Variants in IPCEF1 observed in about 807,000 individuals in gnomAD.
The protein encoded by IPCEF1 is interactor protein for cytohesin exchange factors 1.
A neutral mutation model predicts 50.9 loss-of-function variants in IPCEF1; 31 were observed. That is an observed-to-expected ratio of 0.61 (90% CI 0.46 to 0.82). The LOEUF is 0.82. Ranked by LOEUF, IPCEF1 falls within the 40% of genes least tolerant of loss-of-function variation. The pLI is 0.00. For missense variants in IPCEF1, 458 were observed against 514.0 expected (o/e 0.89, Z 1.05); for synonymous variants, 181 against 192.0 (o/e 0.94, Z 0.47).
At chr6:154,267,996 C>A (rs1421148130) in intron 2 of IPCEF1, among the ~76,000 whole-genome samples, 1 of 152,216 alleles carries the variant, frequency 6.6e-6, no homozygotes, top group Non-Finnish European at 1.5e-5. Flanking sequence ...CAGAAAGGCA[C>A]CACAAGTTCC....
intron 5 of IPCEF1, among the ~76,000 whole-genome samples, chr6:154,238,022 T>C (rs978463171): frequency 1.3e-5 from 2 of 152,204 alleles, no homozygotes; most frequent in Non-Finnish European, 2.9e-5. Flanking sequence ...ATTCTATGCA[T>C]TGGCAAATCA....
intron 5 of IPCEF1, among the ~76,000 whole-genome samples, chr6:154,236,835 C>T (rs536433756): frequency 1.3e-5 from 2 of 152,184 alleles, no homozygotes; most frequent in East Asian, 1.9e-4. Context: ...AAATTGGGTG[C>T]GTTCTCTTTC....
intron 2 of IPCEF1, among the ~76,000 whole-genome samples, chr6:154,274,427 A>G (rs1782002970): frequency 6.6e-6 from 1 of 152,128 alleles, no homozygotes; most frequent in Admixed American, 6.5e-5. Context: ...AAAATCCACA[A>G]AGCTAAGGGA....
intron 10 of IPCEF1, among the ~76,000 whole-genome samples, chr6:154,179,405 T>C (rs769752631): frequency 6.6e-6 from 1 of 152,082 alleles, no homozygotes; most frequent in Non-Finnish European, 1.5e-5. Context: ...ATTTCTCTTA[T>C]CTTACAAGAT....
chr6:154,305,365 C>T (rs769182415), intron 1 of IPCEF1, among the ~76,000 whole-genome samples: 1 of 152,120 alleles, frequency 6.6e-6, no homozygotes, highest in Non-Finnish European at 1.5e-5. Context: ...TGCATTTGTC[C>T]ATTTCCACAG....
intron 7 of IPCEF1, among the ~76,000 whole-genome samples, chr6:154,216,170 A>C (rs1223821559): frequency 6.6e-6 from 1 of 152,188 alleles, no homozygotes; most frequent in Non-Finnish European, 1.5e-5. Flanking sequence ...ATGTGGCAGA[A>C]TGTTCACTGC....
Position 154,159,884 on chromosome 6 carries a change from T to C in IPCEF1, c.1261A>G (p.Thr421Ala). 1.2e-6 allele frequency: 2 copies of C among 1,613,186 alleles called. No homozygotes were observed. Among genetic ancestry groups the C allele is most frequent in the South Asian group, 1.1e-5 (1 of 90,820 alleles). The stretch of plus-strand genomic sequence containing the variant: ...GGTGATTTCTTGAGTTCCTGGGGGG[T>C]GTCATCAGTGTCATCAGGGGCAGGC... ...ASPAPDDTDD[T>A]PQELKKSPSS... is the part of the protein sequence containing the mutation. The change falls in exon 12 of 12, where the codon ACC becomes GCC. Residue 421 changes from threonine to alanine, a missense_variant. By Grantham distance (58) the Thr-to-Ala change is moderately conservative (BLOSUM62 0). Coordinates refer to ENST00000367220, the MANE Select transcript of IPCEF1 (RefSeq NM_001130700.2).
At chr6:154,252,174 T>C (rs1268906988) in intron 3 of IPCEF1, among the ~76,000 whole-genome samples, 1 of 152,076 alleles carries the variant, frequency 6.6e-6, no homozygotes, top group Non-Finnish European at 1.5e-5. Context: ...AGAGAATGTA[T>C]AGAATGACAA....
chr6:154,193,105 A>G (rs536740364), intron 10 of IPCEF1, among the ~76,000 whole-genome samples: 16 of 152,370 alleles, frequency 1.1e-4, no homozygotes, highest in Middle Eastern at 6.8e-3. Flanking sequence ...TTGCTAAAAT[A>G]TGGAACCAGC....
intron 5 of IPCEF1, among the ~76,000 whole-genome samples, chr6:154,244,469 T>G (rs1780873279): frequency 6.6e-6 from 1 of 152,222 alleles, no homozygotes; most frequent in Admixed American, 6.5e-5. Flanking sequence ...GCTGCTAATC[T>G]AACTGTATTC....
At chr6:154,343,537 A>C (rs918434692) in intron 1 of IPCEF1, among the ~76,000 whole-genome samples, 4 of 152,080 alleles carry the variant, frequency 2.6e-5, no homozygotes, top group Admixed American at 6.6e-5. Context: ...AAGTCGCCTC[A>C]CTTCCCACCA....
intron 7 of IPCEF1, chr6:154,219,110 T>C (rs1017228053): frequency 3.3e-5 from 5 of 152,098 alleles, no homozygotes; most frequent in African/African-American, 4.8e-5. Context: ...GAAATGTAAA[T>C]AAACACTGGG....
intron 3 of IPCEF1, among the ~76,000 whole-genome samples, chr6:154,261,637 ACAACT>A (rs1475793179): frequency 1.3e-5 from 2 of 152,218 alleles, no homozygotes; most frequent in Admixed American, 1.3e-4. Context: ...TATCAGGTAA[ACAACT>A]CAGCTTAGCA....
chr6:154,265,344 G>C (rs546077524), intron 3 of IPCEF1, among the ~76,000 whole-genome samples: 2 of 151,518 alleles, frequency 1.3e-5, no homozygotes, highest in African/African-American at 4.9e-5. Flanking sequence ...GCAGTGGCGC[G>C]ATCTCGGCTC....
chr6:154,334,428 A>G (rs890232817), intron 1 of IPCEF1, among the ~76,000 whole-genome samples: 1 of 152,212 alleles, frequency 6.6e-6, no homozygotes, highest in African/African-American at 2.4e-5. Flanking sequence ...TATGTTTGGT[A>G]TCTATGACTC....
chr6:154,178,428 G>C (rs1800543641), intron 10 of IPCEF1, among the ~76,000 whole-genome samples: 1 of 151,980 alleles, frequency 6.6e-6, no homozygotes, highest in African/African-American at 2.4e-5. Flanking sequence ...CTTTCTTTTT[G>C]ATAGCTTTAT....
chr6:154,295,077 G>A lies in IPCEF1; in HGVS notation c.-61-5321C>T, dbSNP rs1030891008. Reference sequence around the variant, plus strand: ...GTCGGGTGTGGTGGCGGTCCCCTGTGGTCCCAGCTACTCGGGAAGCTGAGG... The same window carrying A: ...GTCGGGTGTGGTGGCGGTCCCCTGTAGTCCCAGCTACTCGGGAAGCTGAGG... On this transcript the variant is annotated intron_variant, in intron 1 of 11. Transcript: ENST00000367220. 3.3e-5 allele frequency among the ~76,000 whole-genome samples: 5 copies of A among 151,910 alleles called. No homozygotes were observed. The South Asian group carries it at 6.3e-4, about 19-fold the overall frequency.
intron 3 of IPCEF1, among the ~76,000 whole-genome samples, chr6:154,249,985 A>C (rs1349933577): frequency 6.6e-6 from 1 of 152,014 alleles, no homozygotes; most frequent in African/African-American, 2.4e-5. Context: ...TCTGACAATA[A>C]TTCTCTTAAA....
intron 10 of IPCEF1, among the ~76,000 whole-genome samples, chr6:154,185,480 T>C (rs886193805): frequency 6.6e-6 from 1 of 152,244 alleles, no homozygotes; most frequent in African/African-American, 2.4e-5. Context: ...AGTTCAGTGT[T>C]ACTTTACATG....
Sources: allele counts gnomAD v4.1 joint callset (sites outside exome capture counted in the v4.1 genomes callset), GRCh38; gene constraint gnomAD v4.1.1; transcripts MANE v1.5; gene names NCBI Gene and HGNC (gene_info 2026-07-23, HGNC 2026-07-21).